MYO16: variants seen among roughly 807,000 people sequenced by gnomAD.
The protein encoded by MYO16 is myosin XVI.
Under a neutral mutation model 205.3 loss-of-function variants are expected in MYO16, and 94 were observed. The observed-to-expected ratio is 0.46, with a 90% CI of 0.39 to 0.54. The LOEUF (loss-of-function observed/expected upper bound fraction) is 0.54, where lower values mean the gene tolerates loss of function less well. MYO16 is among the 20% of genes least tolerant of loss of function. The probability of loss-of-function intolerance (pLI) is 0.00; values close to 1 mark genes in which losing one functional copy is unlikely to be tolerated. For missense variants in MYO16, 2,315 were observed against 2,387.5 expected (o/e 0.97, Z 0.63); for synonymous variants, 988 against 954.0 (o/e 1.04, Z -0.66).
At chr13:108,559,024 A>G in the MYO16 span, among the ~76,000 whole-genome samples, 1 of 151,722 alleles carries the variant, frequency 6.6e-6, no homozygotes, top group Non-Finnish European at 1.5e-5. Context: ...CATTTCCTCA[A>G]TAGCACTGTA....
chr13:108,824,198 G>A (rs1017522619), intron 9 of MYO16, among the ~76,000 whole-genome samples: 1 of 151,934 alleles, frequency 6.6e-6, no homozygotes, highest in African/African-American at 2.4e-5. Context: ...AAAATTGATA[G>A]CACCTGTAAA....
chr13:108,906,472 T>G (rs1880983982), intron 15 of MYO16, among the ~76,000 whole-genome samples: 1 of 152,216 alleles, frequency 6.6e-6, no homozygotes, highest in African/African-American at 2.4e-5. Flanking sequence ...TTAAATAAAC[T>G]AGAGGTGTAA....
intron 12 of MYO16, among the ~76,000 whole-genome samples, chr13:108,871,359 T>TGTGTGTGTGC (rs1422576870): frequency 6.7e-6 from 1 of 148,544 alleles, no homozygotes; most frequent in Non-Finnish European, 1.5e-5. Context: ...TGTGTGTGTG[T>TGTGTGTGTGC]GTGTCTGTGT....
intron 2 of MYO16, among the ~76,000 whole-genome samples, chr13:108,705,321 A>G (rs762032687): frequency 3.9e-5 from 6 of 152,162 alleles, no homozygotes; most frequent in Non-Finnish European, 2.9e-5. Context: ...ATCACCTGGA[A>G]CACAGGAGCC....
intron 23 of MYO16, among the ~76,000 whole-genome samples, chr13:109,040,478 C>T (rs2139578030): frequency 1.3e-5 from 2 of 150,698 alleles, no homozygotes; most frequent in East Asian, 3.9e-4. Context: ...AATATATTAG[C>T]AGATAGAACT....
intron 21 of MYO16, among the ~76,000 whole-genome samples, chr13:109,004,360 A>T (rs1885318939): frequency 6.6e-6 from 1 of 152,164 alleles, no homozygotes; most frequent in Admixed American, 6.5e-5. Context: ...TTCACCCCAA[A>T]CTTTAATAAT....
intron 17 of MYO16, 105 bp from the exon 18 acceptor site, chr13:108,961,434 A>G (rs1883576227): frequency 1.1e-6 from 1 of 884,586 alleles, no homozygotes; most frequent in South Asian, 1.5e-5. Flanking sequence ...AACCTCATTA[A>G]TAGGGTCATC....
intron 27 of MYO16, 125 bp from the exon 28 acceptor site, chr13:109,100,660 T>C: frequency 3.0e-6 from 2 of 663,332 alleles, no homozygotes. Context: ...GGTATTTGGC[T>C]GTTCCTGGGA....
At chr13:108,726,561 A>C (rs1810664) in intron 3 of MYO16, among the ~76,000 whole-genome samples, 2,328 of 149,108 alleles carry the variant, frequency 0.016, 25 homozygotes, top group Non-Finnish European at 0.023. Context: ...CTGTTTCAAA[A>C]AAAAAAAAAA....
At chr13:108,585,501 G>T in the MYO16 span, among the ~76,000 whole-genome samples, 2 of 152,214 alleles carry the variant, frequency 1.3e-5, no homozygotes, top group African/African-American at 2.4e-5. Flanking sequence ...GTTGTAAATT[G>T]TTTCTTATCA....
the MYO16 span, among the ~76,000 whole-genome samples, chr13:108,552,850 G>T: frequency 6.6e-6 from 1 of 151,996 alleles, no homozygotes; most frequent in Non-Finnish European, 1.5e-5. Context: ...GGGCCTTCTT[G>T]CTGTACCATC....
the MYO16 span, among the ~76,000 whole-genome samples, chr13:108,566,726 GAA>G: frequency 9.0e-5 from 12 of 132,986 alleles, no homozygotes; most frequent in East Asian, 2.2e-3. Flanking sequence ...AGGAAGGAAG[GAA>G]GGAAGGGAGG....
At chr13:109,153,060 T>G (rs1361237544) in intron 32 of MYO16, among the ~76,000 whole-genome samples, 1 of 152,180 alleles carries the variant, frequency 6.6e-6, no homozygotes, top group African/African-American at 2.4e-5. Context: ...ATAGAGATAC[T>G]ACTCGGGATT....
At chr13:108,879,545 T>A (rs1302283050) in intron 12 of MYO16, among the ~76,000 whole-genome samples, 2 of 152,136 alleles carry the variant, frequency 1.3e-5, no homozygotes, top group East Asian at 3.9e-4. Context: ...CAGTGTGTGA[T>A]GTTCCCCACC....
At chr13:108,784,440 A>G (rs141564985) in intron 4 of MYO16, among the ~76,000 whole-genome samples, 112 of 152,302 alleles carry the variant, frequency 7.4e-4, no homozygotes, top group African/African-American at 2.6e-3. Flanking sequence ...AAGAAACTCA[A>G]CTTATCTTGG....
chr13:108,516,150 T>G, the MYO16 span, among the ~76,000 whole-genome samples: 2 of 151,986 alleles, frequency 1.3e-5, no homozygotes, highest in Admixed American at 6.6e-5. Context: ...TAGGACCCTC[T>G]GAGCCAGGTG....
At chr13:108,936,975 A>G (rs1288952853) in intron 16 of MYO16, among the ~76,000 whole-genome samples, 2 of 152,062 alleles carry the variant, frequency 1.3e-5, no homozygotes, top group East Asian at 3.9e-4. Flanking sequence ...TTTTTTTGGT[A>G]TCAGGTATTG....
At chr13:109,109,574 C>T (rs898317875) in intron 28 of MYO16, among the ~76,000 whole-genome samples, 3 of 150,260 alleles carry the variant, frequency 2.0e-5, no homozygotes, top group Admixed American at 6.7e-5. Context: ...GGGAGGAAGC[C>T]GAGAACACGA....
At chr13:108,548,757 G>T in the MYO16 span, among the ~76,000 whole-genome samples, 14 of 152,062 alleles carry the variant, frequency 9.2e-5, no homozygotes, top group Non-Finnish European at 1.9e-4. Flanking sequence ...CACTTCAGCT[G>T]CTCACTTCAG....
Sources: gnomAD v4.1 joint callset for allele counts (sites outside exome capture counted in the v4.1 genomes callset) on GRCh38, gnomAD v4.1.1 for gene constraint, MANE v1.5 for transcripts, NCBI Gene and HGNC (gene_info 2026-07-23, HGNC 2026-07-21) for gene names.